ZNF367: variants seen among roughly 807,000 people sequenced by gnomAD.
The protein encoded by ZNF367 is zinc finger protein 367.
ZNF367 carries 11 observed loss-of-function variants against 31.8 expected under a neutral mutation model. That is an observed-to-expected ratio of 0.35 (90% confidence interval 0.22 to 0.57). The LOEUF (loss-of-function observed/expected upper bound fraction) is 0.57. Ranked by LOEUF, ZNF367 falls within the 20% of genes least tolerant of loss-of-function variation. The probability of loss-of-function intolerance (pLI) is 0.85; values close to 1 mark genes in which losing one functional copy is unlikely to be tolerated. For synonymous variants in ZNF367, 199 were observed against 202.4 expected (o/e 0.98, Z 0.14); for missense variants, 353 against 484.1 (o/e 0.73, Z 2.54).
chr9:96,402,444 C>CT (rs1174997133), intron 1 of ZNF367, among the ~76,000 whole-genome samples: 2,312 of 66,092 alleles, frequency 0.035, 143 homozygotes, highest in African/African-American at 0.053. Flanking sequence ...TTCTTTCTTT[C>CT]TTTTTTTTTT....
chr9:96,407,999 A>G (rs1327477927), intron 1 of ZNF367, among the ~76,000 whole-genome samples: 1 of 151,200 alleles, frequency 6.6e-6, no homozygotes, highest in African/African-American at 2.4e-5. Flanking sequence ...AAATAAATAA[A>G]TAAATAAATA....
chr9:96,398,180 G>A lies in ZNF367; in HGVS notation c.555C>T (p.His185=). The A allele has an allele frequency of 1.3e-6, 2 of 1,484,582 alleles. No individual in the cohort carries two copies. The highest frequency in any genetic ancestry group is 1.5e-5 in the African/African-American group (1 of 68,748). 92.0% of individuals were successfully genotyped at this position (1,484,582 alleles called of 1,614,324 possible). A position where few individuals can be genotyped will look rare whatever the true frequency, so the allele number is the denominator to read the frequency against. The change falls in exon 2 of 5, where the codon CAC becomes CAT. Residue 185 remains histidine (H), a synonymous_variant. Coordinates refer to ENST00000375256, the MANE Select transcript of ZNF367 (RefSeq NM_153695.4). Reference sequence around the variant, plus strand: ...TCAACTTACCTGTATGAGTCCTTTTGTGAGCCTGGAGCGATTTCTCCCGTG... The same window carrying A: ...TCAACTTACCTGTATGAGTCCTTTTATGAGCCTGGAGCGATTTCTCCCGTG... ...VFPREKSLQA[H]KRTHTGERPY...
chr9:96,394,724 T>C lies in ZNF367; in HGVS notation c.691+99A>G, dbSNP rs1831510226. On this transcript the variant is annotated intron_variant, in intron 3 of 4. Coordinates refer to ENST00000375256, the MANE Select transcript of ZNF367 (RefSeq NM_153695.4). ...AGCTTATAAAGTTTTATAAAATTTA[T>C]ATTAAAAAATCTTTCCCCTCAAAAA... 1.2e-5 allele frequency: 13 copies of C among 1,105,366 alleles called. No homozygotes were observed. In the South Asian group the frequency reaches 2.2e-4, roughly 19 times the overall value. 68.5% of individuals were successfully genotyped at this position (1,105,366 alleles called of 1,614,324 possible). A position where few individuals can be genotyped will look rare whatever the true frequency, so the allele number is the denominator to read the frequency against.
Position 96,418,106 on chromosome 9 carries a change from G to A in ZNF367, c.-74C>T. On this transcript the variant is annotated 5_prime_UTR_variant, in exon 1 of 5. Coordinates refer to ENST00000375256, the MANE Select transcript of ZNF367 (RefSeq NM_153695.4). ...CACCGCTCTGCCCCTCACTCGCTCT[G>A]CTCCGAGTCGCAGGCTCAGTCCTGC... The A allele has an allele frequency of 1.1e-5, 14 of 1,286,700 alleles. No individual in the cohort carries two copies. The highest frequency in any genetic ancestry group is 1.4e-5 in the Non-Finnish European group (14 of 1,016,392). The allele number at this position is 1,286,700 out of a possible 1,614,324, so 79.7% of individuals were successfully genotyped here. A position where few individuals can be genotyped will look rare whatever the true frequency, so the allele number is the denominator to read the frequency against.
chr9:96,405,224 A>C (rs1831656995), intron 1 of ZNF367, among the ~76,000 whole-genome samples: 1 of 149,464 alleles, frequency 6.7e-6, no homozygotes, highest in African/African-American at 2.5e-5. Context: ...CAGGAAGCTG[A>C]GGCAGGAGAA....
intron 2 of ZNF367, among the ~76,000 whole-genome samples, chr9:96,396,793 G>C (rs919138213): frequency 1.3e-5 from 2 of 151,600 alleles, no homozygotes; most frequent in South Asian, 4.2e-4. Context: ...TCAGTTTCCC[G>C]AGTAACTGAG....
intron 4 of ZNF367, among the ~76,000 whole-genome samples, chr9:96,391,939 C>T (rs566927713): frequency 6.6e-6 from 1 of 152,184 alleles, no homozygotes; most frequent in East Asian, 1.9e-4. Flanking sequence ...CCACTACTGC[C>T]CAGGTAATTT....
chr9:96,408,872 C>T (rs1831705942), intron 1 of ZNF367, among the ~76,000 whole-genome samples: 1 of 152,184 alleles, frequency 6.6e-6, no homozygotes, highest in Non-Finnish European at 1.5e-5. Flanking sequence ...ATATGACTTG[C>T]TTTGGCCAAT....
intron 1 of ZNF367, among the ~76,000 whole-genome samples, chr9:96,410,080 G>A (rs1831723284): frequency 7.0e-6 from 1 of 143,864 alleles, no homozygotes; most frequent in South Asian, 2.2e-4. Context: ...TTGAGACCAT[G>A]GTGAAACCCT....
In ZNF367 at chr9:96,407,352, A is replaced by G. The variant is rs1831683634; in HGVS notation, c.421-9038T>C. The G allele has an allele frequency of 2.0e-5, 32 of 1,561,460 alleles. No individual in the cohort carries two copies. The South Asian group carries it at 3.6e-4, about 17-fold the overall frequency. ...GATACCGTTTGGATTACCATGAGAA[A>G]AAGAGAAAGAAGGAAAGTCGAGAGG... On this transcript the variant is annotated intron_variant, in intron 1 of 4. Transcript: ENST00000375256.
In ZNF367 at chr9:96,417,456, G is replaced by A; in HGVS notation, c.420+157C>T. On this transcript the variant is annotated intron_variant, in intron 1 of 4. Transcript: ENST00000375256. The surrounding 1 kb of genome is among the most constrained non-coding windows in gnomAD (Gnocchi z 5.0). ...TGACAGGCCCCCCCCGACTGGGGCC[G>A]GTTTTTGGCGCGCGGCAGTGACGTC... 6.8e-6 allele frequency among the ~76,000 whole-genome samples: 1 copy of A among 147,250 alleles called. No homozygotes were observed.
chr9:96,408,324 A>G (rs758621898), intron 1 of ZNF367, among the ~76,000 whole-genome samples: 1 of 152,240 alleles, frequency 6.6e-6, no homozygotes, highest in African/African-American at 2.4e-5. Flanking sequence ...TCATTGCAGC[A>G]TTATTCACAA....
chr9:96,416,647 TTA>T lies in ZNF367; in HGVS notation c.420+964_420+965del, dbSNP rs541696318. ...TTACTTGTTATCTCTTGCAAATTGC[TTA>T]TCTTATACAGCCACTTAACAAATGG... On this transcript the variant is annotated intron_variant, in intron 1 of 4. Transcript: ENST00000375256. 6.8e-3 allele frequency among the ~76,000 whole-genome samples: 1,040 copies of T among 152,340 alleles called. 9 individuals carry two copies. Among genetic ancestry groups the T allele is most frequent in the Non-Finnish European group, 0.011 (763 of 68,028 alleles).
chr9:96,393,890 T>G (rs1831500669), intron 3 of ZNF367, among the ~76,000 whole-genome samples: 1 of 152,202 alleles, frequency 6.6e-6, no homozygotes, highest in Non-Finnish European at 1.5e-5. Context: ...GCATATAGGC[T>G]TAAGCAAACT....
intron 1 of ZNF367, among the ~76,000 whole-genome samples, chr9:96,399,894 A>C (rs1056389763): frequency 6.6e-6 from 1 of 152,206 alleles, no homozygotes; most frequent in African/African-American, 2.4e-5. Flanking sequence ...CAAACACAAC[A>C]AAGAACACAG....
chr9:96,416,844 A>C lies in ZNF367; in HGVS notation c.420+769T>G, dbSNP rs527494375. On this transcript the variant is annotated intron_variant, in intron 1 of 4. Transcript: ENST00000375256. The stretch of plus-strand genomic sequence containing the variant: ...CAGTCTACAGAGTTCAGTATAAGTC[A>C]GCAGAAAGTCACCCCAAACACATGC... Among the ~76,000 whole-genome samples the C allele has an allele frequency of 6.6e-5, 10 of 152,336 alleles. No homozygotes were observed. The East Asian group carries it at 1.9e-3, about 29-fold the overall frequency.
chr9:96,390,231 C>CA (rs879918339), intron 4 of ZNF367, among the ~76,000 whole-genome samples: 60 of 141,144 alleles, frequency 4.3e-4, no homozygotes, highest in African/African-American at 5.7e-4. Flanking sequence ...AATTACATAC[C>CA]AAAAAAAAAA....
At chr9:96,416,837 A>T (rs73654889) in intron 1 of ZNF367, among the ~76,000 whole-genome samples, 1 of 152,208 alleles carries the variant, frequency 6.6e-6, no homozygotes, top group African/African-American at 2.4e-5. Flanking sequence ...AGAGTTCAGT[A>T]TAAGTCAGCA....
At chr9:96,404,657 T>C (rs1183739138) in intron 1 of ZNF367, among the ~76,000 whole-genome samples, 3 of 151,072 alleles carry the variant, frequency 2.0e-5, no homozygotes, top group African/African-American at 7.3e-5. Context: ...AAGACTGTAA[T>C]GCTCTTAAAA....
Sources: allele counts gnomAD v4.1 joint callset (sites outside exome capture counted in the v4.1 genomes callset), GRCh38; gene constraint gnomAD v4.1.1; non-coding constraint Gnocchi (gnomAD v3.1); transcripts MANE v1.5; gene names NCBI Gene and HGNC (gene_info 2026-07-23, HGNC 2026-07-21).